Variants in IKBKB observed in about 807,000 individuals in gnomAD.
IKBKB encodes inhibitor of nuclear factor kappa B kinase subunit beta, also known as inhibitor of nuclear factor kappa-B kinase subunit beta.
A neutral mutation model predicts 113.6 loss-of-function variants in IKBKB; 42 were observed. The ratio of observed to expected loss-of-function variants is 0.37; its 90% CI spans 0.29 to 0.48. The LOEUF (loss-of-function observed/expected upper bound fraction) is 0.48. IKBKB is among the 20% of genes least tolerant of loss of function. The pLI is 0.99. For synonymous variants in IKBKB, 296 were observed against 361.3 expected (o/e 0.82, Z 2.05); for missense variants, 673 against 939.7 (o/e 0.72, Z 3.71).
In IKBKB at chr8:42,325,994, G is replaced by C; in HGVS notation, c.2011G>C (p.Gly671Arg). ...GAGCAAGGTCCGTGGTCCTGTCAGT[G>C]GAAGCCCGGATAGCATGAATGCCTC... Reference protein sequence around the residue: ...ACSKVRGPVSGSPDSMNASRL... With the variant: ...ACSKVRGPVSRSPDSMNASRL... The change falls in exon 20 of 22, where the codon GGA becomes CGA. Residue 671 changes from glycine (G) to arginine (R), a missense_variant. Physicochemically the swap from Gly to Arg is moderately radical, Grantham distance 125 (BLOSUM62 -2). This residue lies in a region of IKBKB where 506 missense variants were observed against 638.7 expected (regional missense o/e 0.79). Coordinates refer to ENST00000520810, the MANE Select transcript of IKBKB (RefSeq NM_001556.3). The C allele has an allele frequency of 1.2e-6, 2 of 1,614,200 alleles. No individual in the cohort carries two copies. The highest frequency in any genetic ancestry group is 1.7e-6 in the Non-Finnish European group (2 of 1,180,034).
In IKBKB at chr8:42,329,110, A is replaced by G; in HGVS notation, c.2115-14A>G. On this transcript the variant is annotated splice_polypyrimidine_tract_variant and intron_variant, in intron 20 of 21. Coordinates refer to ENST00000520810, the MANE Select transcript of IKBKB (RefSeq NM_001556.3). ...ATAATGACCACTTTCTAATAATTTG[A>G]TCATTTTCTTTAGTGAAGAACTGGT... The G allele has an allele frequency of 6.3e-7, 1 of 1,597,808 alleles. No homozygotes were observed. The highest frequency in any genetic ancestry group is 8.5e-7 in the Non-Finnish European group (1 of 1,172,008).
intron 20 of IKBKB, 88 bp from the exon 21 acceptor site, chr8:42,329,036 C>A: frequency 9.6e-7 from 1 of 1,038,828 alleles, no homozygotes; most frequent in Non-Finnish European, 1.4e-6. Flanking sequence ...AAAGTATTAT[C>A]AAAACTCTCT....
rs1198885814 is a variant in IKBKB, at chr8:42,272,121, G to A, written c.21G>A (p.Leu7=). Residue 7 remains leucine (L), a synonymous_variant, in exon 2 of 22, where the codon CTG becomes CTA. Coordinates refer to ENST00000520810, the MANE Select transcript of IKBKB (RefSeq NM_001556.3). MSWSPS[L]TTQTCGAWEM... ...TCAGTATGAGCTGGTCACCTTCCCTGACAACGCAGACATGTGGGGCCTGGG... is the reference window on the plus strand; with the variant it reads ...TCAGTATGAGCTGGTCACCTTCCCTAACAACGCAGACATGTGGGGCCTGGG... The A allele has an allele frequency of 6.2e-7, 1 of 1,614,112 alleles. No individual in the cohort carries two copies. Among genetic ancestry groups the A allele is most frequent in the Admixed American group, 1.7e-5 (1 of 60,008 alleles).
At position 42,306,511 on chromosome 8, in the gene IKBKB, C is replaced by T. The variant is rs2130535057; in HGVS notation, c.567+79C>T. The stretch of plus-strand genomic sequence containing the variant: ...TGTGGGGCTCCTGTCCTGCCTTGCT[C>T]CCAGCACCTGAGTCCCACCGGCTCT... On this transcript the variant is annotated intron_variant, in intron 7 of 21. Transcript: ENST00000520810. 4.3e-6 allele frequency: 4 copies of T among 929,620 alleles called. No homozygotes were observed. In the Admixed American group the frequency reaches 5.4e-5, roughly 12 times the overall value. 57.6% of individuals were successfully genotyped at this position (929,620 alleles called of 1,614,324 possible). A position where few individuals can be genotyped will look rare whatever the true frequency, so the allele number is the denominator to read the frequency against.
At chr8:42,313,481 G>T (rs982291174) in intron 8 of IKBKB, among the ~76,000 whole-genome samples, 10 of 152,130 alleles carry the variant, frequency 6.6e-5, no homozygotes, top group Non-Finnish European at 1.3e-4. Flanking sequence ...CATACCCCAA[G>T]AAGTTCCCTA....
intron 5 of IKBKB, among the ~76,000 whole-genome samples, chr8:42,300,923 T>C (rs758361269): frequency 6.6e-6 from 1 of 152,014 alleles, no homozygotes; most frequent in Non-Finnish European, 1.5e-5. Context: ...GGCACGATCA[T>C]GTTTCACCGC....
chr8:42,311,624 A>G (rs1817722298), intron 8 of IKBKB, among the ~76,000 whole-genome samples: 1 of 152,112 alleles, frequency 6.6e-6, no homozygotes, highest in Non-Finnish European at 1.5e-5. Context: ...TTTGAAATCA[A>G]TTCCAGAAAA....
intron 4 of IKBKB, among the ~76,000 whole-genome samples, chr8:42,292,677 T>C (rs1049662161): frequency 6.6e-6 from 1 of 152,058 alleles, no homozygotes; most frequent in Non-Finnish European, 1.5e-5. Context: ...GAAGCTCCTC[T>C]CTCCGCCCTC....
Position 42,318,690 on chromosome 8 carries a change from T to G in IKBKB, c.1364+15T>G, listed in dbSNP as rs770493234. The G allele has an allele frequency of 2.7e-6, 4 of 1,505,560 alleles. No homozygotes were observed. The highest frequency in any genetic ancestry group is 1.3e-5 in the South Asian group (1 of 79,290). The allele number at this position is 1,505,560 out of a possible 1,614,324, so 93.3% of individuals were successfully genotyped here. On this transcript the variant is annotated intron_variant, in intron 13 of 21. Coordinates refer to ENST00000520810, the MANE Select transcript of IKBKB (RefSeq NM_001556.3). ...CGAGCCGCCATGTAGCGTGCCAGGC[T>G]TTTTTTTTAAACTTAATTTATTTAA...
chr8:42,330,380 C>G (rs2130741572), intron 21 of IKBKB: 1 of 896,954 alleles, frequency 1.1e-6, no homozygotes, highest in East Asian at 1.2e-4. Context: ...CAGCCTGGGT[C>G]TTGCTATGTT....
intron 5 of IKBKB, among the ~76,000 whole-genome samples, chr8:42,303,442 C>A (rs1815843120): frequency 6.6e-6 from 1 of 152,050 alleles, no homozygotes; most frequent in African/African-American, 2.4e-5. Context: ...TGAAGTGATA[C>A]CATTTGTATC....
In IKBKB at chr8:42,316,925, C is replaced by CACCATCCTG. The variant is rs1347176571; in HGVS notation, c.1125+22_1125+30dup. On this transcript the variant is annotated intron_variant, in intron 11 of 21. Coordinates refer to ENST00000520810, the MANE Select transcript of IKBKB (RefSeq NM_001556.3). The surrounding 1 kb of genome is among the most constrained non-coding windows in gnomAD (Gnocchi z 4.5). ...GCAAGGTGAGCCCTGGCTTCGTACACACCATCCTGTTTACCTTGGCTGTGC... is the reference window on the plus strand; with the variant it reads ...GCAAGGTGAGCCCTGGCTTCGTACACACCATCCTGACCATCCTGTTTACCTTGGCTGTGC... The CACCATCCTG allele has an allele frequency of 1.2e-6, 2 of 1,609,016 alleles. No homozygotes were observed. Among genetic ancestry groups the CACCATCCTG allele is most frequent in the African/African-American group, 2.7e-5 (2 of 74,812 alleles).
chr8:42,329,269 A>G (rs979660070), intron 21 of IKBKB, 55 bp downstream of exon 21: 6 of 1,515,508 alleles, frequency 4.0e-6, no homozygotes, highest in African/African-American at 1.4e-5. Context: ...CTATGGCAAA[A>G]TAGAAGAGAA....
At chr8:42,272,696 T>C (rs1228194273) in intron 2 of IKBKB, among the ~76,000 whole-genome samples, 2 of 152,022 alleles carry the variant, frequency 1.3e-5, no homozygotes, top group African/African-American at 4.8e-5. Context: ...TCTCAGCACT[T>C]TGGGAGGCTG....
intron 20 of IKBKB, among the ~76,000 whole-genome samples, chr8:42,328,336 C>G (rs939565817): frequency 2.0e-5 from 3 of 151,126 alleles, no homozygotes; most frequent in South Asian, 4.2e-4. Flanking sequence ...GGAGCCTGTT[C>G]CATTCCCTTC....
At chr8:42,319,049 G>T (rs1259634419) in intron 13 of IKBKB, among the ~76,000 whole-genome samples, 1 of 152,176 alleles carries the variant, frequency 6.6e-6, no homozygotes, top group Non-Finnish European at 1.5e-5. Flanking sequence ...TTGGCCTTTT[G>T]TGTCTTCCTT....
intron 5 of IKBKB, among the ~76,000 whole-genome samples, chr8:42,303,094 AGAGAGAGAGAGAGAGAGAGAGAGAAT>A (rs1815686671): frequency 7.9e-6 from 1 of 127,346 alleles, no homozygotes. Context: ...AGAGAGAATG[AGAGAGAGAGAGAGAGAGAGAGAGAAT>A]GAGAGAGAGA....
chr8:42,307,832 A>G (rs897650068), intron 7 of IKBKB, among the ~76,000 whole-genome samples: 4 of 152,210 alleles, frequency 2.6e-5, no homozygotes, highest in African/African-American at 7.2e-5. Context: ...TGACCTACCC[A>G]TCCCGGAATG....
chr8:42,327,332 T>C (rs1376567270), intron 20 of IKBKB, among the ~76,000 whole-genome samples: 5 of 140,772 alleles, frequency 3.6e-5, no homozygotes, highest in African/African-American at 1.1e-4. Flanking sequence ...CTCTCTCTCT[T>C]TTTTTTTTTT....
Sources: gnomAD v4.1 joint callset for allele counts (sites outside exome capture counted in the v4.1 genomes callset) on GRCh38, gnomAD v4.1.1 for gene constraint, gnomAD v4.1.1 regional missense constraint, Gnocchi (gnomAD v3.1) non-coding constraint, MANE v1.5 for transcripts, NCBI Gene and HGNC (gene_info 2026-07-23, HGNC 2026-07-21) for gene names.